Variants in WDR27 observed in about 807,000 individuals in gnomAD.
WDR27 encodes WD repeat-containing protein 27.
A neutral mutation model predicts 114.4 loss-of-function variants in WDR27; 100 were observed. The ratio of observed to expected loss-of-function variants is 0.87; its 90% CI spans 0.74 to 1.03. The LOEUF (loss-of-function observed/expected upper bound fraction) is 1.03. Among genes scored for constraint, WDR27 ranks in the 50% least tolerant of loss-of-function variants. The probability of loss-of-function intolerance (pLI) is 0.00; values close to 1 mark genes in which losing one functional copy is unlikely to be tolerated. For missense variants in WDR27, 1,129 were observed against 1,092.9 expected (o/e 1.03, Z -0.47); for synonymous variants, 449 against 423.1 (o/e 1.06, Z -0.75).
rs187835322 is a variant in WDR27 at position 169,536,466 on chromosome 6, G to C, written c.2645+35953C>G. On this transcript the variant is annotated intron_variant, in intron 25 of 25. Transcript: ENST00000448612. ...TGTAATAATCCTAAGTTTATTTCTAGATGTCTGAATCTCCCACTTAAAGTG... is the reference window on the plus strand; with the variant it reads ...TGTAATAATCCTAAGTTTATTTCTACATGTCTGAATCTCCCACTTAAAGTG... 2.4e-4 allele frequency among the ~76,000 whole-genome samples: 36 copies of C among 152,254 alleles called. 1 individual carries two copies. The East Asian group carries it at 3.9e-3, about 16-fold the overall frequency.
intron 1 of WDR27, among the ~76,000 whole-genome samples, chr6:169,695,499 CCA>C (rs1351219391): frequency 2.0e-5 from 3 of 152,232 alleles, no homozygotes; most frequent in African/African-American, 7.2e-5. Flanking sequence ...CTTCTCTAAT[CCA>C]CAGTGTGTCC....
intron 25 of WDR27, among the ~76,000 whole-genome samples, chr6:169,532,826 T>TAAA (rs879594888): frequency 1.2e-4 from 16 of 138,346 alleles, no homozygotes; most frequent in South Asian, 6.9e-4. Flanking sequence ...AACTTAAAAT[T>TAAA]AAAAAAAAAA....
intron 2 of WDR27, among the ~76,000 whole-genome samples, chr6:169,675,058 G>T (rs1779743952): frequency 1.3e-5 from 2 of 152,168 alleles, no homozygotes; most frequent in African/African-American, 4.8e-5. Flanking sequence ...ATCAGTTAAG[G>T]CAGGAACCAG....
intron 17 of WDR27, 143 bp from the exon 18 acceptor site, chr6:169,638,803 G>A (rs975620016): frequency 1.3e-5 from 13 of 970,242 alleles, no homozygotes; most frequent in South Asian, 8.3e-5. Context: ...GCTTCTCCTC[G>A]CCACAGTGAG....
intron 25 of WDR27, among the ~76,000 whole-genome samples, chr6:169,525,352 C>T (rs1409587418): frequency 5.9e-5 from 9 of 151,620 alleles, no homozygotes; most frequent in Non-Finnish European, 8.8e-5. Flanking sequence ...CTGGCTAACA[C>T]GGTGAAACCC....
intron 17 of WDR27, among the ~76,000 whole-genome samples, chr6:169,642,868 T>C (rs977254383): frequency 3.3e-5 from 5 of 152,216 alleles, no homozygotes; most frequent in Non-Finnish European, 5.9e-5. Context: ...GTGTGTCCCA[T>C]ATTCGCAATG....
At chr6:169,577,308 AG>A (rs1247342957) in intron 24 of WDR27, among the ~76,000 whole-genome samples, 11 of 152,030 alleles carry the variant, frequency 7.2e-5, no homozygotes, top group Middle Eastern at 6.8e-3. Context: ...CGCGCCGAGG[AG>A]GGGGCGTCCG....
chr6:169,562,720 G>C (rs1347790669), intron 25 of WDR27, among the ~76,000 whole-genome samples: 1 of 152,234 alleles, frequency 6.6e-6, no homozygotes, highest in Non-Finnish European at 1.5e-5. Context: ...GAGCTGGACG[G>C]AAGGTTAGGC....
intron 1 of WDR27, among the ~76,000 whole-genome samples, chr6:169,691,740 T>C (rs943559948): frequency 6.6e-6 from 1 of 152,198 alleles, no homozygotes; most frequent in African/African-American, 2.4e-5. Flanking sequence ...GTATGCCAAT[T>C]TGCAGTTTAC....
intron 22 of WDR27, among the ~76,000 whole-genome samples, chr6:169,605,824 A>G (rs1378787859): frequency 1.3e-5 from 2 of 152,168 alleles, no homozygotes; most frequent in East Asian, 3.8e-4. Flanking sequence ...CAGTCAACTG[A>G]TCTTTGAAAG....
chr6:169,512,952 A>G (rs1358748390), intron 25 of WDR27, among the ~76,000 whole-genome samples: 1 of 152,376 alleles, frequency 6.6e-6, no homozygotes, highest in Non-Finnish European at 1.5e-5. Context: ...AAGGAGACGG[A>G]CACTGCTTAA....
chr6:169,688,634 A>G (rs1783668878), intron 2 of WDR27, among the ~76,000 whole-genome samples, 183 bp downstream of exon 2: 1 of 152,030 alleles, frequency 6.6e-6, no homozygotes, highest in Non-Finnish European at 1.5e-5. Context: ...AAATATAAAA[A>G]TATTATAAAA....
At chr6:169,604,473 A>G (rs1808702844) in intron 22 of WDR27, among the ~76,000 whole-genome samples, 1 of 152,144 alleles carries the variant, frequency 6.6e-6, no homozygotes, top group Non-Finnish European at 1.5e-5. Flanking sequence ...GTCTCCCAAC[A>G]AAGAAAAGCC....
chr6:169,467,971 C>T lies in WDR27; in HGVS notation c.2646-10337G>A, dbSNP rs551125573. On this transcript the variant is annotated intron_variant, in intron 25 of 25. Transcript: ENST00000448612. ...TTGATGCTTTTAAGAGCATCCAAGT[C>T]GCATCTTGAACACTTTGCAGCTTAG... Among the ~76,000 whole-genome samples the T allele has an allele frequency of 4.6e-3, 701 of 152,302 alleles. 7 individuals are homozygous for T. Among genetic ancestry groups the T allele is most frequent in the African/African-American group, 0.016 (649 of 41,554 alleles).
intron 23 of WDR27, among the ~76,000 whole-genome samples, chr6:169,595,485 A>C (rs1018680009): frequency 1.2e-4 from 18 of 152,120 alleles, no homozygotes; most frequent in African/African-American, 4.3e-4. Context: ...TTTTAATCAT[A>C]ATTATCTTAA....
intron 25 of WDR27, among the ~76,000 whole-genome samples, chr6:169,563,339 C>A (rs768524778): frequency 6.6e-6 from 1 of 152,106 alleles, no homozygotes; most frequent in Non-Finnish European, 1.5e-5. Flanking sequence ...CTGAACCACG[C>A]GTGAGTCCTG....
intron 25 of WDR27, among the ~76,000 whole-genome samples, chr6:169,488,768 C>T (rs1406039930): frequency 1.3e-5 from 2 of 152,110 alleles, no homozygotes; most frequent in Non-Finnish European, 2.9e-5. Context: ...AACACAGACT[C>T]GCAAGCCAGA....
chr6:169,680,939 T>C (rs1005257400), intron 2 of WDR27, among the ~76,000 whole-genome samples: 2 of 152,188 alleles, frequency 1.3e-5, no homozygotes, highest in Non-Finnish European at 2.9e-5. Flanking sequence ...GACAGATAAG[T>C]TCACAGAGTC....
intron 25 of WDR27, among the ~76,000 whole-genome samples, chr6:169,494,287 T>C (rs1167238883): frequency 1.3e-5 from 2 of 152,146 alleles, no homozygotes; most frequent in African/African-American, 2.4e-5. Flanking sequence ...AGGCCGACTC[T>C]CCCTTAGGTA....
Sources: allele counts gnomAD v4.1 joint callset (sites outside exome capture counted in the v4.1 genomes callset), GRCh38; gene constraint gnomAD v4.1.1; transcripts MANE v1.5; gene names NCBI Gene and HGNC (gene_info 2026-07-23, HGNC 2026-07-21).